Variants in TOX observed in about 807,000 individuals in gnomAD.
The protein encoded by TOX is thymocyte selection associated high mobility group box.
TOX carries 11 observed loss-of-function variants against 53.7 expected under a neutral mutation model. The ratio of observed to expected loss-of-function variants is 0.20; its 90% CI spans 0.13 to 0.34. TOX has a LOEUF of 0.34. Among genes scored for constraint, TOX ranks in the 10% least tolerant of loss-of-function variants. The pLI, the probability that TOX is intolerant of heterozygous loss-of-function variation, is 1.00. For missense variants in TOX, 570 were observed against 664.6 expected, an observed-to-expected ratio of 0.86 and a Z score of 1.56; for synonymous variants, 225 against 245.3, an observed-to-expected ratio of 0.92 and a Z score of 0.77.
intron 1 of TOX, among the ~76,000 whole-genome samples, chr8:58,974,557 G>A (rs906069638): frequency 6.6e-6 from 1 of 152,000 alleles, no homozygotes; most frequent in Non-Finnish European, 1.5e-5. Context: ...GTTTAGGTGT[G>A]GTGTTCAAAA....
At chr8:59,016,663 G>A (rs1185578710) in intron 1 of TOX, among the ~76,000 whole-genome samples, 1 of 152,118 alleles carries the variant, frequency 6.6e-6, no homozygotes, top group Admixed American at 6.6e-5. Context: ...TTCTCTTTCT[G>A]CATTTGATCA....
chr8:58,808,171 G>A lies in TOX; in HGVS notation c.1491C>T (p.Cys497=). Residue 497 remains cysteine, a synonymous_variant, in exon 8 of 9, where the codon TGC becomes TGT. Coordinates refer to ENST00000361421, the MANE Select transcript of TOX (RefSeq NM_014729.3). ...TQAMEYVRSG[C]RNPPPQPVDW... is the part of the protein sequence containing the mutation. ...CCACCGGTTGTGGGGGAGGATTTCT[G>A]CACCCCGAACGCACATACTCCATTG... is the stretch of plus-strand genomic sequence containing the variant. 6.2e-7 allele frequency: 1 copy of A among 1,614,102 alleles called. No homozygotes were observed. Among genetic ancestry groups the A allele is most frequent in the South Asian group, 1.1e-5 (1 of 91,072 alleles).
chr8:58,830,694 C>A (rs1363871461), intron 5 of TOX, among the ~76,000 whole-genome samples: 1 of 152,044 alleles, frequency 6.6e-6, no homozygotes, highest in Non-Finnish European at 1.5e-5. Flanking sequence ...CTTAGTTAAT[C>A]TCTAGTCATA....
At chr8:59,074,581 T>G (rs1554544341) in intron 1 of TOX, among the ~76,000 whole-genome samples, 1 of 152,118 alleles carries the variant, frequency 6.6e-6, no homozygotes, top group Non-Finnish European at 1.5e-5. Flanking sequence ...AATATTGCGT[T>G]AAAAAAAGCA....
intron 4 of TOX, among the ~76,000 whole-genome samples, chr8:58,841,264 A>G (rs559995014): frequency 6.6e-6 from 1 of 152,296 alleles, no homozygotes; most frequent in African/African-American, 2.4e-5. Flanking sequence ...TAATTACACA[A>G]TAATGTATGT....
intron 3 of TOX, among the ~76,000 whole-genome samples, chr8:58,911,152 T>C (rs985789101): frequency 6.6e-6 from 1 of 152,146 alleles, no homozygotes; most frequent in African/African-American, 2.4e-5. Flanking sequence ...CCAAATCCCC[T>C]TGGGAGTTTA....
intron 1 of TOX, among the ~76,000 whole-genome samples, chr8:59,063,992 T>G (rs1018166662): frequency 6.6e-6 from 1 of 152,016 alleles, no homozygotes; most frequent in African/African-American, 2.4e-5. Context: ...TTGTGCTAAA[T>G]GTACTAAAGA....
At chr8:58,900,057 CT>C (rs1324334451) in intron 3 of TOX, among the ~76,000 whole-genome samples, 1 of 151,568 alleles carries the variant, frequency 6.6e-6, no homozygotes, top group African/African-American at 2.4e-5. Flanking sequence ...GGTAATTATT[CT>C]GTATGAAGTT....
In TOX at chr8:58,851,617, A is replaced by T. The variant is rs1259560224; in HGVS notation, c.600T>A (p.Val200=). The change falls in exon 4 of 9, where the codon GTT becomes GTA. Residue 200 remains valine (V), a synonymous_variant. Coordinates refer to ENST00000361421, the MANE Select transcript of TOX (RefSeq NM_014729.3). This position sits in a 1 kb window ranked among gnomAD's most constrained non-coding sequence, Gnocchi z 4.4. ...QLGLNMGGSN[V]PHNSPSPPGS... ...CAGGTGGAGATGGTGAGTTGTGGGG[A>T]ACATTGCTTCCTCCCATATTCAAAC... 4 of 1,613,524 alleles carry T rather than the reference A, an allele frequency of 2.5e-6. No individual in the cohort carries two copies. The highest frequency in any genetic ancestry group is 1.7e-4 in the Middle Eastern group (1 of 6,034).
chr8:59,028,588 T>C (rs1363791467), intron 1 of TOX, among the ~76,000 whole-genome samples: 3 of 152,250 alleles, frequency 2.0e-5, no homozygotes, highest in East Asian at 3.9e-4. Context: ...CATACATACA[T>C]ATATAGATAT....
chr8:59,069,175 G>C (rs1299000519), intron 1 of TOX, among the ~76,000 whole-genome samples: 1 of 152,150 alleles, frequency 6.6e-6, no homozygotes, highest in African/African-American at 2.4e-5. Context: ...CCTATGCGAG[G>C]GGAAGTGTTG....
chr8:58,869,009 CA>C (rs1375272532), intron 3 of TOX, among the ~76,000 whole-genome samples: 1 of 151,844 alleles, frequency 6.6e-6, no homozygotes. Context: ...ATACTGATCT[CA>C]AGGACATTAA....
intron 3 of TOX, among the ~76,000 whole-genome samples, chr8:58,888,816 T>C (rs1412614394): frequency 6.6e-6 from 1 of 152,018 alleles, no homozygotes; most frequent in Non-Finnish European, 1.5e-5. Flanking sequence ...TAAGGAGGGA[T>C]TACTCAATGC....
rs542634392 is a variant in TOX at position 58,825,466 on chromosome 8, A to G, written c.1005+1356T>C. The stretch of plus-strand genomic sequence containing the variant: ...TGCAGCTAAGAGCAAATCTGAGGAC[A>G]CTTGTTTTGAAAGTAAAGGCTTAGT... On this transcript the variant is annotated intron_variant, in intron 6 of 8. Coordinates refer to ENST00000361421, the MANE Select transcript of TOX (RefSeq NM_014729.3). Among the ~76,000 whole-genome samples, 11 of 152,322 alleles carry G rather than the reference A, an allele frequency of 7.2e-5. No homozygotes were observed. In the East Asian group the frequency reaches 1.9e-3, roughly 27 times the overall value.
intron 3 of TOX, among the ~76,000 whole-genome samples, chr8:58,904,412 C>A (rs976849476): frequency 6.6e-6 from 1 of 152,050 alleles, no homozygotes; most frequent in Admixed American, 6.5e-5. Context: ...GGGCTTTCCA[C>A]ATTACAAAGG....
chr8:59,015,956 T>C (rs534759466), intron 1 of TOX, among the ~76,000 whole-genome samples: 3 of 152,290 alleles, frequency 2.0e-5, no homozygotes, highest in African/African-American at 7.2e-5. Flanking sequence ...CACTAATCTT[T>C]TTTCCCCCAG....
chr8:58,958,286 A>T (rs539800765), intron 2 of TOX, among the ~76,000 whole-genome samples: 1 of 152,330 alleles, frequency 6.6e-6, no homozygotes, highest in African/African-American at 2.4e-5. Context: ...TTAAAATCTA[A>T]GGAGCCAAGT....
At chr8:59,003,277 C>T (rs1043628205) in intron 1 of TOX, among the ~76,000 whole-genome samples, 1 of 152,134 alleles carries the variant, frequency 6.6e-6, no homozygotes, top group Non-Finnish European at 1.5e-5. Flanking sequence ...TATTTAGTTA[C>T]TTATGTATGA....
intron 1 of TOX, among the ~76,000 whole-genome samples, chr8:58,973,645 A>G (rs1475754930): frequency 5.3e-5 from 8 of 152,222 alleles, no homozygotes; most frequent in African/African-American, 1.9e-4. Flanking sequence ...CATTATTTAG[A>G]AGGTTATTAG....
Sources: allele counts gnomAD v4.1 joint callset (sites outside exome capture counted in the v4.1 genomes callset), GRCh38; gene constraint gnomAD v4.1.1; non-coding constraint Gnocchi (gnomAD v3.1); transcripts MANE v1.5; gene names NCBI Gene and HGNC (gene_info 2026-07-23, HGNC 2026-07-21).